Variants in MUC5AC observed in about 807,000 individuals in gnomAD.
MUC5AC encodes the protein mucin-5AC.
A neutral mutation model predicts 169.7 loss-of-function variants in MUC5AC; 158 were observed. That is an observed-to-expected ratio of 0.93 (90% CI 0.82 to 1.06). The LOEUF (loss-of-function observed/expected upper bound fraction) is 1.06, where lower values mean the gene tolerates loss of function less well. Among genes scored for constraint, MUC5AC ranks in the 50% least tolerant of loss-of-function variants. The pLI, the probability that MUC5AC is intolerant of heterozygous loss-of-function variation, is 0.00. For synonymous variants in MUC5AC, 1,975 were observed against 1,237.0 expected, an observed-to-expected ratio of 1.60 and a Z score of -12.52; for missense variants, 4,359 against 3,089.9, an observed-to-expected ratio of 1.41 and a Z score of -9.74.
intron 15 of MUC5AC, among the ~76,000 whole-genome samples, chr11:1,171,471 A>G (rs1421209885): frequency 7.2e-5 from 9 of 124,334 alleles, no homozygotes; most frequent in Non-Finnish European, 9.9e-5. Context: ...TCACCCCCTC[A>G]CTCACCCACT....
chr11:1,168,348 C>T (rs1860393806), intron 12 of MUC5AC, 135 bp from the exon 13 acceptor site: 1 of 828,466 alleles, frequency 1.2e-6, no homozygotes, highest in Middle Eastern at 3.1e-4. Flanking sequence ...ATCAGGCGAG[C>T]ACAAGGCCAC....
rs777995939 is a variant in MUC5AC at position 1,161,903 on chromosome 11, G to A, written c.212-4G>A. The A allele has an allele frequency of 1.1e-5, 18 of 1,610,062 alleles. No individual in the cohort carries two copies. Among genetic ancestry groups the A allele is most frequent in the Middle Eastern group, 3.3e-4 (2 of 6,042 alleles). On this transcript the variant is annotated splice_polypyrimidine_tract_variant and splice_region_variant and intron_variant, in intron 3 of 48. Transcript: ENST00000621226. Reference sequence around the variant, plus strand: ...CCCCAAACACCATGCTGCTTCCACCGCAGCCTCCAACCCGGCGCACAACGG... The same window carrying A: ...CCCCAAACACCATGCTGCTTCCACCACAGCCTCCAACCCGGCGCACAACGG...
At chr11:1,159,725 GGCTGGGGT>G (rs1860077025) in intron 1 of MUC5AC, among the ~76,000 whole-genome samples, 1 of 136,238 alleles carries the variant, frequency 7.3e-6, no homozygotes, top group Admixed American at 7.3e-5. Flanking sequence ...GGCTGTGCGG[GGCTGGGGT>G]CTGGTCCCAC....
chr11:1,198,132 C>A, intron 42 of MUC5AC, 128 bp downstream of exon 42: 1 of 675,500 alleles, frequency 1.5e-6, no homozygotes, highest in South Asian at 1.6e-5. Flanking sequence ...ACTGAGCCTT[C>A]CGCAGAGATG....
intron 1 of MUC5AC, among the ~76,000 whole-genome samples, chr11:1,158,753 G>A (rs1354970733): frequency 2.0e-5 from 3 of 152,184 alleles, no homozygotes; most frequent in Non-Finnish European, 4.4e-5. Flanking sequence ...GTTTGGAGGG[G>A]GGTGGGTGCT....
At chr11:1,159,295 CTAAGACCCCTCTCTG>C (rs1860052804) in intron 1 of MUC5AC, among the ~76,000 whole-genome samples, 1 of 152,118 alleles carries the variant, frequency 6.6e-6, no homozygotes, top group Non-Finnish European at 1.5e-5. Flanking sequence ...ACAGCTTTCC[CTAAGACCCCTCTCTG>C]CAGGTCCTGG....
chr11:1,174,450 G>T, intron 16 of MUC5AC, 46 bp from the exon 17 acceptor site: 1 of 1,216,802 alleles, frequency 8.2e-7, no homozygotes. Context: ...GGGCCACCAG[G>T]TGTGGGCTGG....
Position 1,195,240 on chromosome 11 carries a change from C to T in MUC5AC, c.15419C>T (p.Pro5140Leu), listed in dbSNP as rs947218281. 6 of 764,648 alleles carry T rather than the reference C, an allele frequency of 7.8e-6. No homozygotes were observed. Among genetic ancestry groups the T allele is most frequent in the East Asian group, 2.4e-5 (1 of 41,244 alleles). The allele number at this position is 764,648 out of a possible 1,614,324, so 47.4% of individuals were successfully genotyped here. Residue 5140 changes from proline (P) to leucine (L), a missense_variant, in exon 36 of 49, where the codon CCG becomes CTG. Transcript: ENST00000621226. ...GTCGGGCCCACCACACCGCCTGCTC[C>T]GTGCCTGCCATCACCCATCTGCCAG... ...TTVGPTTPPA[P>L]CLPSPICQLI... is the part of the protein sequence containing the mutation.
Position 1,190,735 on chromosome 11 carries a change from C to T in MUC5AC, c.12590C>T (p.Pro4197Leu). The T allele has an allele frequency of 4.3e-6, 3 of 702,436 alleles. No homozygotes were observed. Among genetic ancestry groups the T allele is most frequent in the Non-Finnish European group, 5.2e-6 (2 of 384,784 alleles). The allele number at this position is 702,436 out of a possible 1,614,324, so 43.5% of individuals were successfully genotyped here. ...SAPTTSTISS[P>L]TSSTTSTPQT... ...CCTACAACCAGCACAATCTCTTCCC[C>T]TACAAGCAGCACAACCTCCACTCCA... The change falls in exon 31 of 49, where the codon CCT becomes CTT. Residue 4197 changes from proline to leucine, a missense_variant. Pro to Leu is a moderately conservative substitution (Grantham distance 98). Transcript: ENST00000621226.
rs776948532 is a variant in MUC5AC at position 1,162,179 on chromosome 11, G to A, written c.473+11G>A. On this transcript the variant is annotated intron_variant, in intron 4 of 48. Coordinates refer to ENST00000621226, the MANE Select transcript of MUC5AC (RefSeq NM_001304359.2). ...GGTCAACGGCCACCCGTGAGTCTGG[G>A]TTCTGGGATGGTGGGGGCCACGCGG... 36 of 1,605,418 alleles carry A rather than the reference G, an allele frequency of 2.2e-5. No homozygotes were observed. The highest frequency in any genetic ancestry group is 3.1e-5 in the Non-Finnish European group (36 of 1,174,684).
Position 1,195,954 on chromosome 11 carries a change from G to A in MUC5AC, c.15537G>A (p.Thr5179=), listed in dbSNP as rs563195430. The A allele has an allele frequency of 5.1e-5, 39 of 764,884 alleles. No homozygotes were observed. Among genetic ancestry groups the A allele is most frequent in the South Asian group, 3.9e-4 (29 of 74,624 alleles). 47.4% of individuals were successfully genotyped at this position (764,884 alleles called of 1,614,324 possible). ...GCGTCTTTGACCGGTGCCACATGAC[G>A]GACCTGGATGTGGTGTGCTCCAGCC... ...EGCVFDRCHM[T]DLDVVCSSLE... The change falls in exon 37 of 49, where the codon ACG becomes ACA. Residue 5179 remains threonine, a synonymous_variant. Transcript: ENST00000621226.
intron 15 of MUC5AC, 49 bp downstream of exon 15, chr11:1,169,075 C>T (rs893020579): frequency 6.7e-7 from 1 of 1,494,804 alleles, no homozygotes; most frequent in Admixed American, 2.3e-5. Flanking sequence ...GGCGCTGGTT[C>T]ACCCGCTTCC....
chr11:1,188,161 C>T lies in MUC5AC; in HGVS notation c.10016C>T (p.Pro3339Leu). ...ACACCTGTGACAGCTCCTAGCACCC[C>T]TAGTGGGAGAGCCACCAGCCCAACT... is the stretch of plus-strand genomic sequence containing the variant. ...TSTPVTAPST[P>L]SGRATSPTQS... The change falls in exon 31 of 49, where the codon CCT becomes CTT. Residue 3339 changes from proline (P) to leucine (L), a missense_variant. Coordinates refer to ENST00000621226, the MANE Select transcript of MUC5AC (RefSeq NM_001304359.2). 1 of 713,814 alleles carries T rather than the reference C, an allele frequency of 1.4e-6. No homozygotes were observed. Among genetic ancestry groups the T allele is most frequent in the Non-Finnish European group, 2.6e-6 (1 of 391,842 alleles). The allele number at this position is 713,814 out of a possible 1,614,324, so 44.2% of individuals were successfully genotyped here.
intron 39 of MUC5AC, 24 bp downstream of exon 39, chr11:1,196,744 G>A (rs1430399494): frequency 5.4e-6 from 4 of 742,196 alleles, no homozygotes; most frequent in Non-Finnish European, 9.8e-6. Flanking sequence ...GCCGGGGCTG[G>A]GGGGTGTGGC....
chr11:1,200,372 G>T, intron 48 of MUC5AC, 66 bp from the exon 49 acceptor site: 1 of 625,910 alleles, frequency 1.6e-6, no homozygotes, highest in South Asian at 1.8e-5. Flanking sequence ...AGCTCGGCAC[G>T]GCGCCGGCTT....
intron 26 of MUC5AC, 82 bp downstream of exon 26, chr11:1,179,330 T>A (rs1453951799): frequency 0.048 from 6 of 126 alleles, no homozygotes; most frequent in East Asian, 0.25. Context: ...ATGCGTGGGG[T>A]GTGTGGGGCG....
Position 1,164,479 on chromosome 11 carries a change from A to G in MUC5AC, c.1076A>G (p.Glu359Gly), listed in dbSNP as rs1426383222. 1.2e-6 allele frequency: 2 copies of G among 1,611,914 alleles called. No individual in the cohort carries two copies. The highest frequency in any genetic ancestry group is 1.7e-4 in the Middle Eastern group (1 of 6,060). Residue 359 changes from glutamate to glycine, a missense_variant, in exon 9 of 49, where the codon GAG (glutamate) becomes GGG (glycine). Transcript: ENST00000621226. The part of the protein sequence containing the change: ...SPCADTCSNQ[E>G]HSRACEDHCV... ...TGCGCAGACACCTGCTCCAACCAGGAGCACTCCCGGGCCTGTGAGGACCAC... is the reference window on the plus strand; with the variant it reads ...TGCGCAGACACCTGCTCCAACCAGGGGCACTCCCGGGCCTGTGAGGACCAC...
At chr11:1,180,279 G>A (rs1465701928) in intron 27 of MUC5AC, 75 bp from the exon 28 acceptor site, 3 of 398,536 alleles carry the variant, frequency 7.5e-6, no homozygotes, top group African/African-American at 2.1e-5. Flanking sequence ...CGCTGCTTGG[G>A]GGCTGGGCGG....
chr11:1,160,712 C>A, intron 2 of MUC5AC, 23 bp downstream of exon 2: 1 of 1,596,946 alleles, frequency 6.3e-7, no homozygotes, highest in Admixed American at 1.7e-5. Flanking sequence ...GTCCGGCCCC[C>A]ACCCTAAGCC....
Sources: allele counts gnomAD v4.1 joint callset (sites outside exome capture counted in the v4.1 genomes callset), GRCh38; gene constraint gnomAD v4.1.1; transcripts MANE v1.5; gene names NCBI Gene and HGNC (gene_info 2026-07-23, HGNC 2026-07-21).